The following ESRRB variants were observed in gnomAD, a reference collection of about 807,000 sequenced individuals.
ESRRB encodes steroid hormone receptor ERR2.
ESRRB carries 16 observed loss-of-function variants against 46.0 expected under a neutral mutation model. The ratio of observed to expected loss-of-function variants is 0.35; its 90% CI spans 0.24 to 0.53. The LOEUF is 0.53. ESRRB is among the 20% of genes least tolerant of loss of function. ESRRB has a pLI of 0.93. For synonymous variants in ESRRB, 246 were observed against 259.6 expected, an observed-to-expected ratio of 0.95 and a Z score of 0.50; for missense variants, 488 against 607.4, an observed-to-expected ratio of 0.80 and a Z score of 2.07.
intron 3 of ESRRB, among the ~76,000 whole-genome samples, chr14:76,466,473 A>G (rs1380537422): frequency 6.6e-6 from 1 of 152,118 alleles, no homozygotes; most frequent in Non-Finnish European, 1.5e-5. Flanking sequence ...CAGATTCCTC[A>G]CGTGGCTGGG....
At chr14:76,445,466 C>CAA (rs747627410) in intron 2 of ESRRB, among the ~76,000 whole-genome samples, 5,347 of 79,474 alleles carry the variant, frequency 0.067, 157 homozygotes, top group Non-Finnish European at 0.089. Context: ...AACTCCGTCT[C>CAA]AAAAAAAAAA....
intron 1 of ESRRB, among the ~76,000 whole-genome samples, chr14:76,348,897 A>G (rs1201092017): frequency 6.6e-6 from 1 of 152,086 alleles, no homozygotes; most frequent in Non-Finnish European, 1.5e-5. Flanking sequence ...AGAAACTTCC[A>G]CGGAGTAATA....
At chr14:76,497,311 C>T (rs557370825) in intron 6 of ESRRB, among the ~76,000 whole-genome samples, 8 of 152,220 alleles carry the variant, frequency 5.3e-5, no homozygotes, top group African/African-American at 7.2e-5. Context: ...CCTGAGTCCC[C>T]ACAGGAATAA....
intron 1 of ESRRB, among the ~76,000 whole-genome samples, chr14:76,414,569 T>C (rs1050374405): frequency 6.7e-6 from 1 of 150,280 alleles, no homozygotes; most frequent in African/African-American, 2.5e-5. Flanking sequence ...TCTAGTGACC[T>C]GTCTCAGATC....
At chr14:76,358,339 GAAAGAAAGAAAGAAAGAAAGA>G (rs1884416306) in intron 1 of ESRRB, among the ~76,000 whole-genome samples, 1 of 16,486 alleles carries the variant, frequency 6.1e-5, no homozygotes, top group Non-Finnish European at 1.0e-4. Flanking sequence ...AAGAAAGAAA[GAAAGAAAGAAAGAAAGAAAGA>G]AAGAAAGAAA....
In ESRRB at chr14:76,406,740, G is replaced by A. The variant is rs554861985; in HGVS notation, c.50+30289G>A. ...GCCTGGGCAACAAGAGCAAGACTTC[G>A]TCAAAAAACAAACAAACAAACAAAC... On this transcript the variant is annotated intron_variant, in intron 1 of 6. Transcript: ENST00000644823. Among the ~76,000 whole-genome samples the A allele has an allele frequency of 8.0e-4, 121 of 151,146 alleles. No individual in the cohort carries two copies. The East Asian group carries it at 0.012, about 14-fold the overall frequency.
chr14:76,323,122 T>A (rs2139728616), intron 1 of ESRRB, among the ~76,000 whole-genome samples: 1 of 152,236 alleles, frequency 6.6e-6, no homozygotes, highest in South Asian at 2.1e-4. Context: ...TTTCCAATGT[T>A]CAGCACTTCC....
Position 76,498,737 on chromosome 14 carries a change from G to A in ESRRB, c.*279G>A, listed in dbSNP as rs770505151. 3.7e-5 allele frequency: 39 copies of A among 1,043,490 alleles called. No homozygotes were observed. In the South Asian group the frequency reaches 4.3e-4, roughly 11 times the overall value. 64.6% of individuals were successfully genotyped at this position (1,043,490 alleles called of 1,614,324 possible). A position where few individuals can be genotyped will look rare whatever the true frequency, so the allele number is the denominator to read the frequency against. ...TGGACGGTGCGGAGGCCTGGGCCAG[G>A]GCTGACTCCCTTCAGGAGTGGAGGC... On this transcript the variant is annotated 3_prime_UTR_variant, in exon 7 of 7. Coordinates refer to ENST00000644823, the MANE Select transcript of ESRRB (RefSeq NM_001379180.1).
At chr14:76,491,765 G>A in intron 6 of ESRRB, 49 bp downstream of exon 6, 1 of 1,525,370 alleles carries the variant, frequency 6.6e-7, no homozygotes, top group East Asian at 2.4e-5. Context: ...GGCTCTGCAT[G>A]GGCCTAATGA....
At chr14:76,421,152 C>T (rs1271490707) in intron 1 of ESRRB, among the ~76,000 whole-genome samples, 1 of 152,174 alleles carries the variant, frequency 6.6e-6, no homozygotes, top group Non-Finnish European at 1.5e-5. Context: ...GGACAGAGCC[C>T]GTTTCTCTTC....
intron 2 of ESRRB, among the ~76,000 whole-genome samples, chr14:76,452,949 G>C (rs1244750784): frequency 1.3e-5 from 2 of 152,266 alleles, no homozygotes; most frequent in African/African-American, 4.8e-5. Flanking sequence ...AGTCTAAGGA[G>C]AGCCTCTAAG....
Position 76,376,363 on chromosome 14 carries a change from C to T in ESRRB, c.-39C>T. The T allele has an allele frequency of 8.2e-7, 1 of 1,225,280 alleles. No homozygotes were observed. Among genetic ancestry groups the T allele is most frequent in the Non-Finnish European group, 1.0e-6 (1 of 982,108 alleles). 75.9% of individuals were successfully genotyped at this position (1,225,280 alleles called of 1,614,324 possible). ...TCGCTCTTCCGCGTGATTTCCCCGC[C>T]GTCTTTCTCTACCAACTGGGAATGC... On this transcript the variant is annotated 5_prime_UTR_variant, in exon 1 of 7. Transcript: ENST00000644823. This position sits in a 1 kb window ranked among gnomAD's most constrained non-coding sequence, Gnocchi z 4.1.
At chr14:76,311,940 T>C (rs1166041726) in intron 1 of ESRRB, among the ~76,000 whole-genome samples, 2 of 138,184 alleles carry the variant, frequency 1.4e-5, no homozygotes, top group Non-Finnish European at 3.1e-5. Context: ...ATTTGCTTTA[T>C]AGAATTTACA....
intron 1 of ESRRB, among the ~76,000 whole-genome samples, chr14:76,380,770 T>C (rs1884979384): frequency 6.6e-6 from 1 of 152,130 alleles, no homozygotes; most frequent in Admixed American, 6.5e-5. Flanking sequence ...TTGACTTGAA[T>C]GTTCAACCTC....
chr14:76,427,794 A>G (rs1378438703), intron 1 of ESRRB, among the ~76,000 whole-genome samples: 1 of 152,158 alleles, frequency 6.6e-6, no homozygotes, highest in African/African-American at 2.4e-5. Context: ...GAATACTACG[A>G]TGAATACTAT....
intron 1 of ESRRB, among the ~76,000 whole-genome samples, chr14:76,437,899 G>C (rs576761735): frequency 6.6e-6 from 1 of 152,176 alleles, no homozygotes; most frequent in Non-Finnish European, 1.5e-5. Context: ...GGGTGGAGGG[G>C]CTTGGTTTAC....
chr14:76,349,732 C>T (rs1303851841), intron 1 of ESRRB, among the ~76,000 whole-genome samples: 1 of 152,120 alleles, frequency 6.6e-6, no homozygotes, highest in Non-Finnish European at 1.5e-5. Flanking sequence ...TCTGGTTTTT[C>T]CCTGCTGGGT....
At chr14:76,494,375 C>T (rs534110525) in intron 6 of ESRRB, among the ~76,000 whole-genome samples, 1 of 149,356 alleles carries the variant, frequency 6.7e-6, no homozygotes, top group African/African-American at 2.5e-5. Context: ...GGTGCAATCT[C>T]GGCCCACTGC....
intron 1 of ESRRB, among the ~76,000 whole-genome samples, chr14:76,389,991 G>A (rs1468533848): frequency 2.0e-5 from 3 of 152,154 alleles, no homozygotes; most frequent in Admixed American, 6.5e-5. Flanking sequence ...GAACAGCCAT[G>A]ATGGGAGTAT....
Sources: gnomAD v4.1 joint callset for allele counts (sites outside exome capture counted in the v4.1 genomes callset) on GRCh38, gnomAD v4.1.1 for gene constraint, Gnocchi (gnomAD v3.1) non-coding constraint, MANE v1.5 for transcripts, NCBI Gene and HGNC (gene_info 2026-07-23, HGNC 2026-07-21) for gene names.